BBX: variants seen among roughly 807,000 people sequenced by gnomAD.
BBX encodes HMG box transcription factor BBX.
Under a neutral mutation model 100.2 loss-of-function variants are expected in BBX, and 30 were observed. The observed-to-expected ratio is 0.30, with a 90% CI of 0.22 to 0.41. The LOEUF (loss-of-function observed/expected upper bound fraction) is 0.41, where lower values mean the gene tolerates loss of function less well. BBX is among the 10% of genes least tolerant of loss of function. BBX has a pLI of 1.00. For synonymous variants in BBX, 376 were observed against 388.1 expected (o/e 0.97, Z 0.37); for missense variants, 1,023 against 1,129.8 (o/e 0.91, Z 1.35).
At chr3:107,577,026 A>T (rs906291562) in intron 2 of BBX, among the ~76,000 whole-genome samples, 4 of 151,914 alleles carry the variant, frequency 2.6e-5, no homozygotes, top group Non-Finnish European at 5.9e-5. Flanking sequence ...ATGCCCAGCT[A>T]ATTTTTGTAT....
chr3:107,534,249 T>C (rs1298771813), intron 2 of BBX, among the ~76,000 whole-genome samples: 3 of 152,226 alleles, frequency 2.0e-5, no homozygotes, highest in Non-Finnish European at 4.4e-5. Flanking sequence ...GCTGATTCTT[T>C]TAATATTAAA....
intron 10 of BBX, among the ~76,000 whole-genome samples, chr3:107,766,801 C>T (rs2066431003): frequency 6.6e-6 from 1 of 152,076 alleles, no homozygotes; most frequent in Non-Finnish European, 1.5e-5. Context: ...GACTTGGAAC[C>T]AGCCCAATTG....
Position 107,778,418 on chromosome 3 carries a change from C to T in BBX, c.2102C>T (p.Pro701Leu), listed in dbSNP as rs1271235826. The T allele has an allele frequency of 1.2e-6, 2 of 1,613,422 alleles. No individual in the cohort carries two copies. The highest frequency in any genetic ancestry group is 2.2e-5 in the South Asian group (2 of 91,064). Residue 701 changes from proline to leucine, a missense_variant, in exon 13 of 18, where the codon CCT (proline) becomes CTT (leucine). Pro to Leu is a moderately conservative substitution (Grantham distance 98, BLOSUM62 -3). Coordinates refer to ENST00000325805, the MANE Select transcript of BBX (RefSeq NM_001142568.3). The part of the protein sequence containing the change: ...EEFEKKFNSL[P>L]QYSPVTFDRK... ...TTTGAAAAAAAATTCAACAGCCTCC[C>T]TCAATATAGTCCTGTTACATTTGAC... is the stretch of plus-strand genomic sequence containing the variant.
At chr3:107,634,013 G>A (rs1451207401) in intron 2 of BBX, among the ~76,000 whole-genome samples, 1 of 152,162 alleles carries the variant, frequency 6.6e-6, no homozygotes, top group East Asian at 1.9e-4. Context: ...ACTTCACAGT[G>A]TTGGCTCATA....
intron 3 of BBX, among the ~76,000 whole-genome samples, chr3:107,686,892 C>A (rs2108037552): frequency 6.6e-6 from 1 of 152,266 alleles, no homozygotes; most frequent in Non-Finnish European, 1.5e-5. Flanking sequence ...AGGTCCAGAT[C>A]TCCTAATTTC....
chr3:107,695,512 G>T lies in BBX; in HGVS notation c.-9-14940G>T, dbSNP rs1384874182. 1.4e-5 allele frequency among the ~76,000 whole-genome samples: 2 copies of T among 142,240 alleles called. 1 individual carries two copies. Among genetic ancestry groups the T allele is most frequent in the African/African-American group, 5.6e-5 (2 of 35,818 alleles). The allele number at this position is 142,240 out of a possible 152,430, so 93.3% of individuals were successfully genotyped here. A position where few individuals can be genotyped will look rare whatever the true frequency, so the allele number is the denominator to read the frequency against. ...TCCATGTAGTTGAGCGGTTTTGAGT[G>T]AGATTCTTAATCCTGAATTCTAGTT... On this transcript the variant is annotated intron_variant, in intron 3 of 17. Coordinates refer to ENST00000325805, the MANE Select transcript of BBX (RefSeq NM_001142568.3).
chr3:107,738,296 A>G (rs1391527516), intron 7 of BBX, among the ~76,000 whole-genome samples: 1 of 152,060 alleles, frequency 6.6e-6, no homozygotes, highest in East Asian at 1.9e-4. Context: ...TTATTGTATT[A>G]TATGTAAGTA....
At chr3:107,525,170 G>C (rs2047666640) in intron 1 of BBX, among the ~76,000 whole-genome samples, 1 of 147,326 alleles carries the variant, frequency 6.8e-6, no homozygotes. Flanking sequence ...CGACGTCCCC[G>C]CGCGGCCACC....
At chr3:107,572,808 T>C (rs1348761414) in intron 2 of BBX, among the ~76,000 whole-genome samples, 1 of 152,224 alleles carries the variant, frequency 6.6e-6, no homozygotes, top group Non-Finnish European at 1.5e-5. Flanking sequence ...GAAAATTCCA[T>C]GAAGAGATAT....
chr3:107,691,848 T>C (rs1392876466), intron 3 of BBX, among the ~76,000 whole-genome samples: 1 of 152,218 alleles, frequency 6.6e-6, no homozygotes, highest in African/African-American at 2.4e-5. Flanking sequence ...TAGGTGGGCG[T>C]TGCAGCAGCT....
intron 13 of BBX, among the ~76,000 whole-genome samples, chr3:107,782,547 A>G (rs2068001932): frequency 6.6e-6 from 1 of 152,074 alleles, no homozygotes; most frequent in African/African-American, 2.4e-5. Context: ...ACCTTGAGAA[A>G]GTATCGTGCT....
intron 2 of BBX, among the ~76,000 whole-genome samples, chr3:107,605,375 A>ATTT (rs34100576): frequency 3.1e-4 from 45 of 145,820 alleles, no homozygotes; most frequent in Non-Finnish European, 2.5e-4. Context: ...TTCACTTTCT[A>ATTT]TTTTTTTTTT....
chr3:107,696,613 C>A (rs564453045), intron 3 of BBX, among the ~76,000 whole-genome samples: 4 of 152,012 alleles, frequency 2.6e-5, no homozygotes, highest in Non-Finnish European at 2.9e-5. Context: ...CGAACTTTCT[C>A]TCTGGCTGCC....
intron 2 of BBX, among the ~76,000 whole-genome samples, chr3:107,578,989 A>C (rs1009000105): frequency 6.6e-6 from 1 of 152,172 alleles, no homozygotes; most frequent in Non-Finnish European, 1.5e-5. Flanking sequence ...TAAAGATTTT[A>C]TAAGTAATGT....
At chr3:107,711,152 A>C in intron 4 of BBX, 1 of 334,538 alleles carries the variant, frequency 3.0e-6, no homozygotes, top group Non-Finnish European at 6.0e-6. Context: ...CAGGTGACTT[A>C]AGAAATCGTC....
chr3:107,800,572 G>A (rs1319852863), intron 16 of BBX, among the ~76,000 whole-genome samples: 1 of 152,178 alleles, frequency 6.6e-6, no homozygotes, highest in Non-Finnish European at 1.5e-5. Flanking sequence ...CTTCTCTCCA[G>A]TAGGTCTTTA....
At chr3:107,639,233 C>T (rs777314230) in intron 2 of BBX, among the ~76,000 whole-genome samples, 7 of 152,054 alleles carry the variant, frequency 4.6e-5, no homozygotes, top group East Asian at 1.9e-4. Flanking sequence ...TTATTGCTGA[C>T]GTGAAAGGAG....
intron 2 of BBX, among the ~76,000 whole-genome samples, chr3:107,565,869 A>G (rs1576327065): frequency 6.6e-6 from 1 of 151,752 alleles, no homozygotes; most frequent in South Asian, 2.1e-4. Flanking sequence ...TTTATTATGA[A>G]TGGGTGTTAA....
chr3:107,535,619 GTC>G (rs1658707169), intron 2 of BBX, among the ~76,000 whole-genome samples: 1 of 144,266 alleles, frequency 6.9e-6, no homozygotes, highest in Admixed American at 7.0e-5. Context: ...TTGAGGCAGA[GTC>G]TCACTCTGTC....
Sources: gnomAD v4.1 joint callset for allele counts (sites outside exome capture counted in the v4.1 genomes callset) on GRCh38, gnomAD v4.1.1 for gene constraint, MANE v1.5 for transcripts, NCBI Gene and HGNC (gene_info 2026-07-23, HGNC 2026-07-21) for gene names.